Variants in LUZP2 observed in about 807,000 individuals in gnomAD.
LUZP2 encodes leucine zipper protein 2.
Under a neutral mutation model 51.6 loss-of-function variants are expected in LUZP2, and 52 were observed. The observed-to-expected ratio is 1.01, with a 90% CI of 0.81 to 1.27. LUZP2 has a LOEUF of 1.27. Ranked by LOEUF, LUZP2 falls within the 50% of genes most tolerant of loss-of-function variation. The pLI, the probability that LUZP2 is intolerant of heterozygous loss-of-function variation, is 0.00. For synonymous variants in LUZP2, 154 were observed against 137.3 expected (o/e 1.12, Z -0.85); for missense variants, 436 against 395.4 (o/e 1.10, Z -0.87).
intron 5 of LUZP2, among the ~76,000 whole-genome samples, chr11:24,883,645 T>C (rs1852565888): frequency 6.6e-6 from 1 of 152,042 alleles, no homozygotes; most frequent in African/African-American, 2.4e-5. Flanking sequence ...AAACAATAAG[T>C]TAGGTCTAAA....
chr11:25,051,693 G>A (rs1265832688), intron 10 of LUZP2, among the ~76,000 whole-genome samples: 1 of 152,198 alleles, frequency 6.6e-6, no homozygotes, highest in East Asian at 1.9e-4. Context: ...AAGGGAGCTA[G>A]TTCAGGTTTT....
At chr11:24,577,164 T>C (rs1314907874) in intron 1 of LUZP2, among the ~76,000 whole-genome samples, 2 of 151,942 alleles carry the variant, frequency 1.3e-5, no homozygotes, top group Admixed American at 6.6e-5. Context: ...AATCAGCTGG[T>C]GCCTAAAATG....
At chr11:24,590,966 C>G (rs976887519) in intron 1 of LUZP2, among the ~76,000 whole-genome samples, 1 of 152,054 alleles carries the variant, frequency 6.6e-6, no homozygotes, top group African/African-American at 2.4e-5. Context: ...AAGATCCTGG[C>G]CGAGCAAGGT....
chr11:25,066,010 A>G (rs1270769034), intron 10 of LUZP2, among the ~76,000 whole-genome samples: 1 of 152,034 alleles, frequency 6.6e-6, no homozygotes, highest in Non-Finnish European at 1.5e-5. Flanking sequence ...AGTAAGAGGA[A>G]CAACAATGAA....
chr11:24,718,110 G>A (rs2133945516), intron 1 of LUZP2, among the ~76,000 whole-genome samples: 1 of 152,318 alleles, frequency 6.6e-6, no homozygotes, highest in Non-Finnish European at 1.5e-5. Flanking sequence ...TAGAGAGAAA[G>A]GAAACAGGAC....
At chr11:24,672,384 T>G (rs939537766) in intron 1 of LUZP2, among the ~76,000 whole-genome samples, 4 of 152,204 alleles carry the variant, frequency 2.6e-5, no homozygotes, top group African/African-American at 9.7e-5. Flanking sequence ...ATAAATTAAC[T>G]TTCACCTTTG....
intron 8 of LUZP2, among the ~76,000 whole-genome samples, chr11:24,981,856 A>G (rs187487761): frequency 1.3e-5 from 2 of 152,094 alleles, no homozygotes; most frequent in Admixed American, 6.6e-5. Flanking sequence ...TTTGCAAAGT[A>G]TGCATCTGAC....
intron 9 of LUZP2, among the ~76,000 whole-genome samples, chr11:25,044,193 A>G (rs1395779004): frequency 1.6e-5 from 2 of 124,590 alleles, no homozygotes; most frequent in Non-Finnish European, 3.5e-5. Flanking sequence ...ACACATATAT[A>G]TGCATATATG....
At chr11:25,071,721 TGAC>T (rs1372386586) in intron 10 of LUZP2, among the ~76,000 whole-genome samples, 1 of 151,292 alleles carries the variant, frequency 6.6e-6, no homozygotes, top group African/African-American at 2.4e-5. Context: ...CTAATGTAAA[TGAC>T]GAGTTAACGG....
intron 7 of LUZP2, among the ~76,000 whole-genome samples, chr11:24,923,499 C>G (rs574217227): frequency 6.6e-6 from 1 of 151,988 alleles, no homozygotes; most frequent in Non-Finnish European, 1.5e-5. Flanking sequence ...GAGATTGAGA[C>G]CATCCTGGTC....
intron 5 of LUZP2, among the ~76,000 whole-genome samples, chr11:24,829,283 A>G (rs1850628523): frequency 6.6e-6 from 1 of 152,168 alleles, no homozygotes; most frequent in African/African-American, 2.4e-5. Context: ...GGGTGTGGGC[A>G]GGGGTCATTA....
intron 9 of LUZP2, among the ~76,000 whole-genome samples, chr11:25,030,070 T>C (rs1313664000): frequency 6.6e-6 from 1 of 152,152 alleles, no homozygotes; most frequent in Non-Finnish European, 1.5e-5. Flanking sequence ...GCAAAATGCT[T>C]GTCCTAAATT....
intron 4 of LUZP2, among the ~76,000 whole-genome samples, chr11:24,747,105 G>T (rs1859410204): frequency 6.6e-6 from 1 of 152,070 alleles, no homozygotes; most frequent in Non-Finnish European, 1.5e-5. Flanking sequence ...GTGATTTTTT[G>T]GGGGTGTTAA....
intron 5 of LUZP2, among the ~76,000 whole-genome samples, chr11:24,783,958 A>G (rs906751772): frequency 3.3e-5 from 5 of 151,952 alleles, no homozygotes; most frequent in Admixed American, 3.3e-4. Flanking sequence ...ATTTGGGTAG[A>G]AAGTAGACCT....
chr11:24,660,589 C>T (rs193243847), intron 1 of LUZP2, among the ~76,000 whole-genome samples: 4 of 152,108 alleles, frequency 2.6e-5, no homozygotes, highest in East Asian at 3.9e-4. Flanking sequence ...TGGATTAAAG[C>T]GAAGAACCCC....
chr11:24,793,600 G>A (rs1849465753), intron 5 of LUZP2, among the ~76,000 whole-genome samples: 1 of 152,160 alleles, frequency 6.6e-6, no homozygotes, highest in Non-Finnish European at 1.5e-5. Flanking sequence ...AGGGAGAGAG[G>A]ACAGAACACA....
intron 5 of LUZP2, among the ~76,000 whole-genome samples, chr11:24,785,392 G>T (rs1439877895): frequency 6.6e-6 from 1 of 151,958 alleles, no homozygotes; most frequent in Non-Finnish European, 1.5e-5. Context: ...AAAAAGGTAT[G>T]CCATCTTCAA....
Position 24,930,262 on chromosome 11 carries a change from A to G in LUZP2, c.522+15724A>G, listed in dbSNP as rs574322178. On this transcript the variant is annotated intron_variant, in intron 7 of 11. Coordinates refer to ENST00000336930, the MANE Select transcript of LUZP2 (RefSeq NM_001009909.4). ...CTATTGAGATGTGCGGTACTATTCT[A>G]GTCATCATGCTATTTGTTGCCTGAA... is the stretch of plus-strand genomic sequence containing the variant. 3.0e-4 allele frequency among the ~76,000 whole-genome samples: 45 copies of G among 152,246 alleles called. No homozygotes were observed. The East Asian group carries it at 8.3e-3, about 28-fold the overall frequency.
intron 1 of LUZP2, among the ~76,000 whole-genome samples, chr11:24,559,959 C>A (rs941823744): frequency 2.0e-5 from 3 of 152,040 alleles, no homozygotes; most frequent in Non-Finnish European, 2.9e-5. Flanking sequence ...ATAAATCACA[C>A]ACTGGGACCT....
Sources: allele counts gnomAD v4.1 joint callset (sites outside exome capture counted in the v4.1 genomes callset), GRCh38; gene constraint gnomAD v4.1.1; transcripts MANE v1.5; gene names NCBI Gene and HGNC (gene_info 2026-07-23, HGNC 2026-07-21).